Variants in ZNF654 observed in about 807,000 individuals in gnomAD.
ZNF654 encodes zinc finger protein 654, also known as melanoma-associated antigen.
A neutral mutation model predicts 95.3 loss-of-function variants in ZNF654; 19 were observed. The observed-to-expected ratio is 0.20, with a 90% confidence interval of 0.14 to 0.29. The LOEUF (loss-of-function observed/expected upper bound fraction) is 0.29. ZNF654 is among the 10% of genes least tolerant of loss of function. The pLI is 1.00. For missense variants in ZNF654, 1,046 were observed against 1,341.0 expected, an observed-to-expected ratio of 0.78 and a Z score of 3.44; for synonymous variants, 413 against 457.9, an observed-to-expected ratio of 0.90 and a Z score of 1.25.
intron 2 of ZNF654, among the ~76,000 whole-genome samples, chr3:88,103,565 G>A (rs1704557486): frequency 6.6e-6 from 1 of 151,952 alleles, no homozygotes; most frequent in Admixed American, 6.6e-5. Flanking sequence ...CAAAATAATG[G>A]CCATGAATTT....
rs764234010 is a variant in ZNF654 at position 88,140,667 on chromosome 3, A to C, written c.2998A>C (p.Asn1000His). Residue 1000 changes from asparagine (N) to histidine (H), a missense_variant, in exon 8 of 9, where the codon AAC (asparagine) becomes CAC (histidine). Transcript: ENST00000636215. ...SSDPALKIDT[N>H]RIRTENGSIL... ...AGATCCTGCTTTGAAAATTGATACA[A>C]ACAGAATCAGGACAGAAAATGGTTC... 2.5e-6 allele frequency: 4 copies of C among 1,613,580 alleles called. No individual in the cohort carries two copies. In the African/African-American group the frequency reaches 4.0e-5, roughly 16 times the overall value.
At chr3:88,095,891 C>T (rs1210365302) in intron 2 of ZNF654, 2 of 431,834 alleles carry the variant, frequency 4.6e-6, no homozygotes, top group Non-Finnish European at 8.8e-6. Flanking sequence ...TAACCACATG[C>T]CTGTCTAGCA....
intron 1 of ZNF654, among the ~76,000 whole-genome samples, chr3:88,085,152 T>G (rs1708274908): frequency 6.6e-6 from 1 of 152,208 alleles, no homozygotes; most frequent in Admixed American, 6.5e-5. Context: ...GTGAAAAGTC[T>G]TTTGGGCTCT....
At chr3:88,124,197 T>G (rs1350162200) in intron 3 of ZNF654, among the ~76,000 whole-genome samples, 1 of 152,172 alleles carries the variant, frequency 6.6e-6, no homozygotes, top group African/African-American at 2.4e-5. Context: ...TCCAAGCACT[T>G]TCTAGTACTG....
At chr3:88,094,949 TACA>T (rs1703973538) in intron 2 of ZNF654, among the ~76,000 whole-genome samples, 1 of 152,128 alleles carries the variant, frequency 6.6e-6, no homozygotes. Context: ...CACTGCTTCT[TACA>T]AAGAAAACTT....
At position 88,140,735 on chromosome 3, in the gene ZNF654, A is replaced by C; in HGVS notation, c.3066A>C (p.Pro1022=). The part of the protein sequence containing the change: ...SVVPQEHNTL[P]VSQAPSKPNL... ...TACCACAAGAACACAACACCTTGCCAGTATCTCAGGCACCTTCCAAACCAA... is the reference window on the plus strand; with the variant it reads ...TACCACAAGAACACAACACCTTGCCCGTATCTCAGGCACCTTCCAAACCAA... The change falls in exon 8 of 9, where the codon CCA becomes CCC. Residue 1022 remains proline (P), a synonymous_variant. Coordinates refer to ENST00000636215, the MANE Select transcript of ZNF654 (RefSeq NM_001350134.2). 6.2e-7 allele frequency: 1 copy of C among 1,613,768 alleles called. No individual in the cohort carries two copies. The highest frequency in any genetic ancestry group is 8.5e-7 in the Non-Finnish European group (1 of 1,179,736).
chr3:88,111,057 GT>G (rs1705061382), intron 2 of ZNF654, among the ~76,000 whole-genome samples: 1 of 151,996 alleles, frequency 6.6e-6, no homozygotes, highest in Non-Finnish European at 1.5e-5. Flanking sequence ...GTTCATTTCT[GT>G]GTTTTAGGAA....
At position 88,129,780 on chromosome 3, in the gene ZNF654, T is replaced by G; in HGVS notation, c.847T>G (p.Ser283Ala). 1 of 1,527,742 alleles carries G rather than the reference T, an allele frequency of 6.5e-7. No homozygotes were observed. 94.6% of individuals were successfully genotyped at this position (1,527,742 alleles called of 1,614,324 possible). The part of the protein sequence containing the change: ...KTMLALQLCE[S>A]FLIPQLQNGD... Reference sequence around the variant, plus strand: ...TATGTTAGCCTTGCAACTCTGTGAATCCTTTCTTATTCCACAGCTCCAGAA... The same window carrying G: ...TATGTTAGCCTTGCAACTCTGTGAAGCCTTTCTTATTCCACAGCTCCAGAA... Residue 283 changes from serine (S) to alanine (A), a missense_variant, in exon 6 of 9, where the codon TCC (serine) becomes GCC (alanine). By Grantham distance (99) the Ser-to-Ala change is moderately conservative. Coordinates refer to ENST00000636215, the MANE Select transcript of ZNF654 (RefSeq NM_001350134.2).
At chr3:88,133,260 C>T (rs545134588) in intron 6 of ZNF654, among the ~76,000 whole-genome samples, 116 of 152,226 alleles carry the variant, frequency 7.6e-4, no homozygotes, top group African/African-American at 2.7e-3. Context: ...AAGCATGGCT[C>T]ATTGAATTGG....
chr3:88,104,174 C>G lies in ZNF654; in HGVS notation c.333-8941C>G, dbSNP rs148133762. On this transcript the variant is annotated intron_variant, in intron 2 of 8. Transcript: ENST00000636215. Reference sequence around the variant, plus strand: ...CTACAGAAAAATGTTAAAGGGAGTTCCATAAGCAGCACCAGATGCTGGACA... The same window carrying G: ...CTACAGAAAAATGTTAAAGGGAGTTGCATAAGCAGCACCAGATGCTGGACA... Among the ~76,000 whole-genome samples the G allele has an allele frequency of 7.9e-5, 12 of 152,144 alleles. No homozygotes were observed. In the East Asian group the frequency reaches 2.3e-3, roughly 29 times the overall value.
chr3:88,066,489 G>A (rs954074122), intron 1 of ZNF654, among the ~76,000 whole-genome samples: 1 of 152,040 alleles, frequency 6.6e-6, no homozygotes, highest in African/African-American at 2.4e-5. Context: ...TGGGAGGATG[G>A]CTTAAGCCCA....
At chr3:88,116,577 C>CACACACACACAT (rs767725952) in intron 3 of ZNF654, among the ~76,000 whole-genome samples, 2 of 148,106 alleles carry the variant, frequency 1.4e-5, no homozygotes, top group African/African-American at 5.0e-5. Flanking sequence ...CACACACACA[C>CACACACACACAT]ATGCACATAT....
intron 1 of ZNF654, among the ~76,000 whole-genome samples, chr3:88,073,169 G>A (rs1200665578): frequency 2.6e-5 from 4 of 152,106 alleles, no homozygotes; most frequent in Non-Finnish European, 5.9e-5. Context: ...ACTATTAGCA[G>A]TACAAATTAT....
intron 3 of ZNF654, among the ~76,000 whole-genome samples, chr3:88,118,564 C>T (rs1474356858): frequency 2.6e-5 from 4 of 152,068 alleles, no homozygotes; most frequent in Non-Finnish European, 5.9e-5. Flanking sequence ...TCCACTAAAA[C>T]CTCAAAACCT....
chr3:88,066,819 G>A (rs757253001), intron 1 of ZNF654, among the ~76,000 whole-genome samples: 6 of 152,026 alleles, frequency 3.9e-5, no homozygotes, highest in Non-Finnish European at 7.4e-5. Flanking sequence ...AGAACTTTAC[G>A]AAACCTGTAG....
chr3:88,124,569 C>A (rs1328400302), intron 3 of ZNF654, among the ~76,000 whole-genome samples: 1 of 152,180 alleles, frequency 6.6e-6, no homozygotes, highest in Admixed American at 6.5e-5. Flanking sequence ...AAGAATATGA[C>A]AGTTTAATAA....
chr3:88,121,348 T>C (rs888434580), intron 3 of ZNF654, among the ~76,000 whole-genome samples: 2 of 152,138 alleles, frequency 1.3e-5, no homozygotes, highest in African/African-American at 4.8e-5. Context: ...AATGGCATAA[T>C]AGAAGCATTA....
chr3:88,081,749 G>A (rs1249698989), intron 1 of ZNF654, among the ~76,000 whole-genome samples: 1 of 152,020 alleles, frequency 6.6e-6, no homozygotes, highest in African/African-American at 2.4e-5. Context: ...GGCTCATCTT[G>A]TGTTTTCCCT....
chr3:88,130,419 CATA>C (rs1278331982), intron 6 of ZNF654, among the ~76,000 whole-genome samples: 1 of 151,960 alleles, frequency 6.6e-6, no homozygotes, highest in African/African-American at 2.4e-5. Context: ...AGCTGCAAAT[CATA>C]ATACTTCAAT....
Sources: gnomAD v4.1 joint callset for allele counts (sites outside exome capture counted in the v4.1 genomes callset) on GRCh38, gnomAD v4.1.1 for gene constraint, MANE v1.5 for transcripts, NCBI Gene and HGNC (gene_info 2026-07-23, HGNC 2026-07-21) for gene names.